Variants in AFF3 observed in about 807,000 individuals in gnomAD.
AFF3 encodes AF4/FMR2 family member 3.
AFF3 carries 32 observed loss-of-function variants against 129.7 expected under a neutral mutation model. The ratio of observed to expected loss-of-function variants is 0.25; its 90% CI spans 0.19 to 0.33. The LOEUF is 0.33. Ranked by LOEUF, AFF3 falls within the 10% of genes least tolerant of loss-of-function variation. The pLI is 1.00. For synonymous variants in AFF3, 644 were observed against 635.4 expected (o/e 1.01, Z -0.20); for missense variants, 1,373 against 1,592.0 (o/e 0.86, Z 2.34).
At chr2:100,135,578 G>A (rs1692605811) in intron 1 of AFF3, among the ~76,000 whole-genome samples, 1 of 152,142 alleles carries the variant, frequency 6.6e-6, no homozygotes, top group South Asian at 2.1e-4. Flanking sequence ...GAGTGGAAGG[G>A]GATCCTCCTG....
chr2:99,996,231 A>G (rs1680818882), intron 7 of AFF3, among the ~76,000 whole-genome samples: 1 of 152,220 alleles, frequency 6.6e-6, no homozygotes, highest in Non-Finnish European at 1.5e-5. Context: ...TGGTTACAAT[A>G]AGTAAGGAAA....
chr2:100,127,345 G>A (rs1692236735), intron 2 of AFF3, among the ~76,000 whole-genome samples: 1 of 152,208 alleles, frequency 6.6e-6, no homozygotes, highest in African/African-American at 2.4e-5. Flanking sequence ...CATTCCTGCT[G>A]TGATGTGGGT....
intron 13 of AFF3, among the ~76,000 whole-genome samples, chr2:99,615,974 A>G (rs1427949207): frequency 6.6e-6 from 1 of 152,236 alleles, no homozygotes; most frequent in Non-Finnish European, 1.5e-5. Context: ...CTGGGCTACC[A>G]GAATTGCCTG....
At chr2:100,014,048 G>A (rs935967532) in intron 4 of AFF3, among the ~76,000 whole-genome samples, 1 of 151,910 alleles carries the variant, frequency 6.6e-6, no homozygotes, top group Non-Finnish European at 1.5e-5. Flanking sequence ...GACCCAGCCA[G>A]CCAGGGGGGG....
intron 8 of AFF3, among the ~76,000 whole-genome samples, chr2:99,781,136 G>T (rs1289293704): frequency 1.3e-5 from 2 of 152,014 alleles, no homozygotes; most frequent in African/African-American, 2.4e-5. Flanking sequence ...AACCAAACAG[G>T]TTCCTGCCTC....
chr2:99,874,596 G>T (rs1692142873), intron 7 of AFF3, among the ~76,000 whole-genome samples: 1 of 152,066 alleles, frequency 6.6e-6, no homozygotes, highest in African/African-American at 2.4e-5. Flanking sequence ...AAACTTGTGT[G>T]ATTTTTTTAA....
intron 4 of AFF3, among the ~76,000 whole-genome samples, chr2:100,058,335 G>GT (rs946988838): frequency 6.6e-6 from 1 of 152,078 alleles, no homozygotes; most frequent in African/African-American, 2.4e-5. Context: ...CATGCTACGT[G>GT]TATTTTTTTA....
In AFF3 at chr2:99,712,287, G is replaced by A. The variant is rs76740270; in HGVS notation, c.1091+14790C>T. Among the ~76,000 whole-genome samples the A allele has an allele frequency of 7.8e-3, 1,181 of 152,294 alleles. 7 individuals carry two copies. Among genetic ancestry groups the A allele is most frequent in the Non-Finnish European group, 0.01 (682 of 68,018 alleles). On this transcript the variant is annotated intron_variant, in intron 11 of 24. Transcript: ENST00000672756. ...TATATTCTAGTCGCCTCTTGGCAGC[G>A]TGCACCAGAGGAAAGGCCTGTGTAG...
intron 7 of AFF3, among the ~76,000 whole-genome samples, chr2:99,947,645 T>TAGACAGACAGACAGACAGAC (rs1462200103): frequency 2.2e-5 from 3 of 134,584 alleles, no homozygotes; most frequent in African/African-American, 8.5e-5. Context: ...GATAGATAGA[T>TAGACAGACAGACAGACAGAC]AGATAGATAG....
At chr2:100,139,701 T>A (rs1240448013) in intron 1 of AFF3, among the ~76,000 whole-genome samples, 1 of 152,210 alleles carries the variant, frequency 6.6e-6, no homozygotes, top group East Asian at 1.9e-4. Context: ...TGAAGAATAA[T>A]GTTTTTAGTT....
At chr2:99,819,003 C>T (rs528384636) in intron 8 of AFF3, among the ~76,000 whole-genome samples, 1 of 152,260 alleles carries the variant, frequency 6.6e-6, no homozygotes, top group South Asian at 2.1e-4. Flanking sequence ...CTATCAACTA[C>T]CTATCAAATG....
Position 99,593,230 on chromosome 2 carries a change from C to A in AFF3, c.2431G>T (p.Glu811Ter). ...CTCTTGGATTTTGGCAAAGCCTTTTCTGCAGGTGTGTCCGAGGTGTGGCTG... is the reference window on the plus strand; with the variant it reads ...CTCTTGGATTTTGGCAAAGCCTTTTATGCAGGTGTGTCCGAGGTGTGGCTG... The part of the protein sequence containing the change: ...PPSHTSDTPA[E>*]KALPKSKRKR... The change falls in exon 15 of 25, where the codon GAA (glutamate) becomes TAA (stop). Residue 811 changes from glutamate to a stop codon, truncating the protein, a stop_gained. Coordinates refer to ENST00000672756, the MANE Select transcript of AFF3 (RefSeq NM_001386135.1). LOFTEE classifies it high-confidence loss of function. 6.2e-7 allele frequency: 1 copy of A among 1,602,248 alleles called. No individual in the cohort carries two copies.
intron 15 of AFF3, among the ~76,000 whole-genome samples, chr2:99,588,961 GCTT>G (rs1678394193): frequency 6.6e-6 from 1 of 152,174 alleles, no homozygotes; most frequent in Admixed American, 6.5e-5. Flanking sequence ...TGTAAATGAA[GCTT>G]CTTAAGTTAA....
intron 7 of AFF3, among the ~76,000 whole-genome samples, chr2:99,984,682 C>T (rs1576481415): frequency 6.6e-6 from 1 of 152,090 alleles, no homozygotes; most frequent in African/African-American, 2.4e-5. Flanking sequence ...CAAGTCTGCC[C>T]ACCCCACCAA....
chr2:99,841,116 C>T (rs998863245), intron 7 of AFF3, among the ~76,000 whole-genome samples: 4 of 152,172 alleles, frequency 2.6e-5, no homozygotes, highest in East Asian at 1.9e-4. Flanking sequence ...AATTAAACTT[C>T]GGGTTTAATT....
At chr2:99,917,234 G>C (rs1350654302) in intron 7 of AFF3, among the ~76,000 whole-genome samples, 1 of 152,188 alleles carries the variant, frequency 6.6e-6, no homozygotes, top group African/African-American at 2.4e-5. Context: ...GAGCCCTGAG[G>C]CTACTAACAG....
chr2:100,003,756 A>G (rs997651927), intron 7 of AFF3, among the ~76,000 whole-genome samples: 4 of 152,198 alleles, frequency 2.6e-5, no homozygotes, highest in African/African-American at 9.7e-5. Context: ...GAAGTGTAAA[A>G]CCAGGCAAAG....
intron 2 of AFF3, among the ~76,000 whole-genome samples, chr2:100,114,332 A>G (rs1033601920): frequency 2.6e-5 from 4 of 152,198 alleles, no homozygotes; most frequent in African/African-American, 9.6e-5. Context: ...GCACCCTTCT[A>G]AGGGTACGGC....
chr2:100,126,574 G>A (rs1321421174), intron 2 of AFF3, among the ~76,000 whole-genome samples: 1 of 152,146 alleles, frequency 6.6e-6, no homozygotes, highest in Non-Finnish European at 1.5e-5. Flanking sequence ...AGTTCACGTC[G>A]CTTTCTAAGG....
Sources: gnomAD v4.1 joint callset for allele counts (sites outside exome capture counted in the v4.1 genomes callset) on GRCh38, gnomAD v4.1.1 for gene constraint, MANE v1.5 for transcripts, NCBI Gene and HGNC (gene_info 2026-07-23, HGNC 2026-07-21) for gene names.